TLK1: variants seen among roughly 807,000 people sequenced by gnomAD.
TLK1 encodes tousled like kinase 1.
A neutral mutation model predicts 105.3 loss-of-function variants in TLK1; 24 were observed. The ratio of observed to expected loss-of-function variants is 0.23; its 90% CI spans 0.17 to 0.32. TLK1 has a LOEUF of 0.32. Among genes scored for constraint, TLK1 ranks in the 10% least tolerant of loss-of-function variants. The probability of loss-of-function intolerance (pLI) is 1.00; values close to 1 mark genes in which losing one functional copy is unlikely to be tolerated. For missense variants in TLK1, 558 were observed against 910.5 expected (o/e 0.61, Z 4.98); for synonymous variants, 321 against 310.4 (o/e 1.03, Z -0.36).
At chr2:171,039,540 G>C (rs917565492) in intron 11 of TLK1, among the ~76,000 whole-genome samples, 4 of 152,200 alleles carry the variant, frequency 2.6e-5, no homozygotes, top group Admixed American at 1.3e-4. Context: ...TTACAGGTGT[G>C]AGCCACCACA....
chr2:171,132,251 C>T (rs937799909), intron 1 of TLK1, among the ~76,000 whole-genome samples: 5 of 152,180 alleles, frequency 3.3e-5, no homozygotes, highest in Admixed American at 3.3e-4. Context: ...AAAACCATTA[C>T]ATCTTGTGAG....
chr2:171,012,511 G>T (rs749300658), intron 13 of TLK1, among the ~76,000 whole-genome samples: 32 of 152,198 alleles, frequency 2.1e-4, no homozygotes, highest in Admixed American at 5.9e-4. Flanking sequence ...TTTGGAGACA[G>T]AGTCTCGCTC....
At chr2:171,178,308 G>T (rs905615510) in intron 1 of TLK1, among the ~76,000 whole-genome samples, 3 of 152,194 alleles carry the variant, frequency 2.0e-5, no homozygotes, top group African/African-American at 7.2e-5. Flanking sequence ...ACCCAGGTCT[G>T]CTTGAGGCCA....
At chr2:171,014,827 T>C (rs1404776145) in intron 13 of TLK1, 24 bp downstream of exon 13, 1 of 1,550,378 alleles carries the variant, frequency 6.5e-7, no homozygotes. Context: ...AATATGAAAC[T>C]GTGAAATGCA....
Position 171,009,853 on chromosome 2 carries a change from C to G in TLK1, c.1416+1520G>C, listed in dbSNP as rs370376795. ...AAGCTTTTAACCAACTATGCCAGTA[C>G]GTAATGAAGCACAAAGGAGCTTATA... On this transcript the variant is annotated intron_variant, in intron 14 of 20. Transcript: ENST00000431350. Among the ~76,000 whole-genome samples, 11 of 152,208 alleles carry G rather than the reference C, an allele frequency of 7.2e-5. No homozygotes were observed. The East Asian group carries it at 2.1e-3, about 29-fold the overall frequency.
intron 1 of TLK1, among the ~76,000 whole-genome samples, chr2:171,191,404 C>A (rs887231799): frequency 6.6e-6 from 1 of 151,916 alleles, no homozygotes; most frequent in African/African-American, 2.4e-5. Flanking sequence ...CCCACCACCC[C>A]CCCCTCTAAA....
intron 1 of TLK1, among the ~76,000 whole-genome samples, chr2:171,137,399 G>C (rs1307600958): frequency 6.6e-6 from 1 of 152,012 alleles, no homozygotes; most frequent in Non-Finnish European, 1.5e-5. Context: ...TTAAAATGTT[G>C]ATTCAATGAA....
At chr2:171,086,770 G>T (rs1400757473) in intron 2 of TLK1, among the ~76,000 whole-genome samples, 1 of 152,142 alleles carries the variant, frequency 6.6e-6, no homozygotes, top group Non-Finnish European at 1.5e-5. Context: ...TTGAAACCCA[G>T]ATCAAAATCT....
intron 1 of TLK1, among the ~76,000 whole-genome samples, chr2:171,186,625 C>T (rs770542493): frequency 3.3e-5 from 5 of 152,180 alleles, no homozygotes; most frequent in Non-Finnish European, 5.9e-5. Flanking sequence ...TCACTCTGAA[C>T]TGAAACTGCA....
At position 171,136,710 on chromosome 2, in the gene TLK1, G is replaced by C. The variant is rs1057424130; in HGVS notation, c.140-18853C>G. On this transcript the variant is annotated intron_variant, in intron 1 of 20. Transcript: ENST00000431350. Reference sequence around the variant, plus strand: ...ACAATTTTGGTCCTTGACTTTTCTTGATCTATGAAAAGTCAGAGAAACATC... The same window carrying C: ...ACAATTTTGGTCCTTGACTTTTCTTCATCTATGAAAAGTCAGAGAAACATC... Among the ~76,000 whole-genome samples, 10 of 152,244 alleles carry C rather than the reference G, an allele frequency of 6.6e-5. No individual in the cohort carries two copies. The East Asian group carries it at 1.9e-3, about 29-fold the overall frequency.
chr2:171,175,834 T>A (rs1692811005), intron 1 of TLK1, among the ~76,000 whole-genome samples: 1 of 152,162 alleles, frequency 6.6e-6, no homozygotes, highest in Non-Finnish European at 1.5e-5. Flanking sequence ...CACATTAGAA[T>A]CACCTGAGAA....
At chr2:171,193,276 G>C (rs1321097774) in intron 1 of TLK1, among the ~76,000 whole-genome samples, 2 of 152,086 alleles carry the variant, frequency 1.3e-5, no homozygotes, top group East Asian at 3.9e-4. Flanking sequence ...TAGGAGGAGT[G>C]AAAATCACTC....
intron 1 of TLK1, among the ~76,000 whole-genome samples, chr2:171,209,192 C>T (rs989815409): frequency 6.6e-6 from 1 of 152,120 alleles, no homozygotes; most frequent in Non-Finnish European, 1.5e-5. Context: ...CATGTATTTG[C>T]ATTTGCTTTT....
At chr2:171,042,125 T>C (rs552424419) in intron 11 of TLK1, among the ~76,000 whole-genome samples, 1 of 152,334 alleles carries the variant, frequency 6.6e-6, no homozygotes, top group South Asian at 2.1e-4. Flanking sequence ...GAAAGAAGAC[T>C]ATGACTATTA....
At chr2:171,197,463 G>A (rs371066933) in intron 1 of TLK1, among the ~76,000 whole-genome samples, 11 of 152,184 alleles carry the variant, frequency 7.2e-5, no homozygotes, top group African/African-American at 2.6e-4. Flanking sequence ...GTGTTATCAA[G>A]GGACTACCTG....
chr2:171,002,754 G>A (rs75071914), intron 18 of TLK1, among the ~76,000 whole-genome samples: 1 of 152,054 alleles, frequency 6.6e-6, no homozygotes, highest in Non-Finnish European at 1.5e-5. Context: ...TCTTGTCTCA[G>A]CCTCCTGTGT....
At chr2:171,042,887 T>C (rs1347183938) in intron 11 of TLK1, among the ~76,000 whole-genome samples, 2 of 152,050 alleles carry the variant, frequency 1.3e-5, no homozygotes, top group Non-Finnish European at 2.9e-5. Context: ...AAGATATATG[T>C]AGGGCAAATG....
intron 1 of TLK1, among the ~76,000 whole-genome samples, chr2:171,121,257 G>A (rs1385231406): frequency 2.0e-5 from 3 of 152,074 alleles, no homozygotes; most frequent in East Asian, 1.9e-4. Context: ...ATAATTAGAT[G>A]TCGCGGCGCC....
intron 2 of TLK1, among the ~76,000 whole-genome samples, chr2:171,111,802 G>A (rs1690183495): frequency 1.3e-5 from 2 of 152,156 alleles, no homozygotes; most frequent in African/African-American, 2.4e-5. Flanking sequence ...TGTATCTTAA[G>A]AGGAATGTAG....
Sources: allele counts gnomAD v4.1 joint callset (sites outside exome capture counted in the v4.1 genomes callset), GRCh38; gene constraint gnomAD v4.1.1; transcripts MANE v1.5; gene names NCBI Gene and HGNC (gene_info 2026-07-23, HGNC 2026-07-21).